Variants in TMBIM4 observed in about 807,000 individuals in gnomAD.
TMBIM4 encodes transmembrane BAX inhibitor motif containing 4, also known as protein lifeguard 4.
A neutral mutation model predicts 27.7 loss-of-function variants in TMBIM4; 28 were observed. That is an observed-to-expected ratio of 1.01 (90% CI 0.75 to 1.38). TMBIM4 has a LOEUF of 1.38. TMBIM4 is among the 40% of genes most tolerant of loss of function. The pLI is 0.00. For synonymous variants in TMBIM4, 115 were observed against 113.1 expected, an observed-to-expected ratio of 1.02 and a Z score of -0.11; for missense variants, 265 against 277.5, an observed-to-expected ratio of 0.95 and a Z score of 0.32.
chr12:66,150,073 T>C (rs2051819897), intron 3 of TMBIM4, among the ~76,000 whole-genome samples: 1 of 152,244 alleles, frequency 6.6e-6, no homozygotes, highest in Non-Finnish European at 1.5e-5. Context: ...CAATCAGTGA[T>C]TATCTTGCCT....
At chr12:66,151,120 A>G (rs2051838059) in intron 3 of TMBIM4, among the ~76,000 whole-genome samples, 2 of 152,178 alleles carry the variant, frequency 1.3e-5, no homozygotes, top group African/African-American at 4.8e-5. Flanking sequence ...GAAACTTTCA[A>G]AGTCATCAGC....
intron 5 of TMBIM4, chr12:66,144,846 A>G (rs562756359): frequency 2.0e-5 from 3 of 152,308 alleles, no homozygotes; most frequent in African/African-American, 7.2e-5. Context: ...TGATCACTGT[A>G]ATACCATTTC....
chr12:66,158,875 T>C (rs2051990896), intron 1 of TMBIM4, among the ~76,000 whole-genome samples: 1 of 152,194 alleles, frequency 6.6e-6, no homozygotes, highest in African/African-American at 2.4e-5. Flanking sequence ...GCAGTACAGA[T>C]CATTTGTCTT....
chr12:66,141,661 C>T (rs1378901228), intron 5 of TMBIM4, among the ~76,000 whole-genome samples: 1 of 151,482 alleles, frequency 6.6e-6, no homozygotes. Flanking sequence ...CATGCTAACA[C>T]AAATTAAGAA....
chr12:66,153,150 G>C (rs894987067), intron 2 of TMBIM4, among the ~76,000 whole-genome samples, 190 bp downstream of exon 2: 4 of 152,038 alleles, frequency 2.6e-5, no homozygotes, highest in African/African-American at 9.7e-5. Flanking sequence ...AAAAAGTTCA[G>C]AGGTAAATAC....
In TMBIM4 at chr12:66,152,332, A is replaced by G; in HGVS notation, c.251T>C (p.Ile84Thr). The G allele has an allele frequency of 6.2e-7, 1 of 1,610,764 alleles. No individual in the cohort carries two copies. Among genetic ancestry groups the G allele is most frequent in the Non-Finnish European group, 8.5e-7 (1 of 1,178,042 alleles). ...ATGTCTGTTTAAAATCAACGCAAAA[A>G]TCAAACCCAGAGATCCGAGGGCAAA... ...LLFALGSLGLIFALILNRHKY... is the reference protein window; with the variant it reads ...LLFALGSLGLTFALILNRHKY... The change falls in exon 3 of 7, where the codon ATT becomes ACT. Residue 84 changes from isoleucine (I) to threonine (T), a missense_variant. Coordinates refer to ENST00000358230, the MANE Select transcript of TMBIM4 (RefSeq NM_016056.4).
chr12:66,150,418 C>CG, intron 3 of TMBIM4, among the ~76,000 whole-genome samples: 1 of 117,000 alleles, frequency 8.5e-6, no homozygotes, highest in South Asian at 3.5e-4. Flanking sequence ...CTCCCTCCCA[C>CG]CCCCCTTTCT....
intron 1 of TMBIM4, among the ~76,000 whole-genome samples, chr12:66,158,204 C>A (rs1171577727): frequency 9.6e-5 from 12 of 125,546 alleles, no homozygotes; most frequent in Non-Finnish European, 3.2e-5. Context: ...CCAGCCTGGG[C>A]GACAGAGTGA....
At chr12:66,164,271 G>T (rs960997932) in intron 1 of TMBIM4, among the ~76,000 whole-genome samples, 3 of 151,980 alleles carry the variant, frequency 2.0e-5, no homozygotes, top group African/African-American at 7.2e-5. Flanking sequence ...CATTTTCTTA[G>T]AAAAAAACAT....
At position 66,153,532 on chromosome 12, in the gene TMBIM4, GTTT is replaced by G. The variant is rs1036788869; in HGVS notation, c.98-87_98-85del. On this transcript the variant is annotated intron_variant, in intron 1 of 6. Transcript: ENST00000358230. ...AATCAAATTTCCTCTTTAAAAAATT[GTTT>G]TTTACACGTATTCTTTCCTAATTTT... The G allele has an allele frequency of 1.5e-5, 11 of 753,716 alleles. No homozygotes were observed. In the African/African-American group the frequency reaches 1.7e-4, roughly 11 times the overall value. 46.7% of individuals were successfully genotyped at this position (753,716 alleles called of 1,614,324 possible).
intron 1 of TMBIM4, among the ~76,000 whole-genome samples, chr12:66,155,335 T>TGTGAGAGAGAGAGAGAGAGAGAGAGA (rs141188662): frequency 6.8e-5 from 9 of 131,598 alleles, no homozygotes; most frequent in Non-Finnish European, 1.0e-4. Context: ...TGCACACGTG[T>TGTGAGAGAGAGAGAGAGAGAGAGAGA]GAGAGAGAGA....
At chr12:66,147,411 C>G (rs1592539470) in intron 4 of TMBIM4, among the ~76,000 whole-genome samples, 1 of 152,098 alleles carries the variant, frequency 6.6e-6, no homozygotes, top group Admixed American at 6.5e-5. Context: ...GTAATTATAA[C>G]AGAAACGGCC....
chr12:66,162,641 T>C (rs1439458475), intron 1 of TMBIM4, among the ~76,000 whole-genome samples: 1 of 152,230 alleles, frequency 6.6e-6, no homozygotes, highest in African/African-American at 2.4e-5. Flanking sequence ...GCTTCTCTAG[T>C]GCCAATGAAG....
At chr12:66,138,384 AC>A (rs1241314968) in intron 6 of TMBIM4, 5 of 599,626 alleles carry the variant, frequency 8.3e-6, no homozygotes, top group Non-Finnish European at 1.0e-5. Flanking sequence ...AAACTAAATT[AC>A]CCACTTTGAA....
At chr12:66,154,576 G>T (rs923141346) in intron 1 of TMBIM4, among the ~76,000 whole-genome samples, 17 of 152,154 alleles carry the variant, frequency 1.1e-4, no homozygotes, top group African/African-American at 3.4e-4. Flanking sequence ...CTGTGCTTAG[G>T]CAGGCAATAA....
chr12:66,162,897 A>T (rs2052066000), intron 1 of TMBIM4, among the ~76,000 whole-genome samples: 1 of 152,226 alleles, frequency 6.6e-6, no homozygotes, highest in Admixed American at 6.5e-5. Flanking sequence ...TGCTGCTATC[A>T]TAGTTTGGCT....
intron 3 of TMBIM4, among the ~76,000 whole-genome samples, chr12:66,151,448 AGG>A (rs1372742606): frequency 1.2e-4 from 18 of 151,592 alleles, no homozygotes; most frequent in Non-Finnish European, 2.5e-4. Context: ...TATGTTGCCC[AGG>A]CTGGTCTCAG....
At chr12:66,162,379 G>A (rs1042942997) in intron 1 of TMBIM4, among the ~76,000 whole-genome samples, 1 of 152,144 alleles carries the variant, frequency 6.6e-6, no homozygotes, top group Non-Finnish European at 1.5e-5. Flanking sequence ...ACACAACATG[G>A]AATGCATTTG....
At chr12:66,153,800 T>A (rs1173045934) in intron 1 of TMBIM4, among the ~76,000 whole-genome samples, 1 of 152,100 alleles carries the variant, frequency 6.6e-6, no homozygotes, top group Non-Finnish European at 1.5e-5. Context: ...AATGATTATA[T>A]CTTGAATCTG....
Sources: gnomAD v4.1 joint callset for allele counts (sites outside exome capture counted in the v4.1 genomes callset) on GRCh38, gnomAD v4.1.1 for gene constraint, MANE v1.5 for transcripts, NCBI Gene and HGNC (gene_info 2026-07-23, HGNC 2026-07-21) for gene names.